UBR3: variants seen among roughly 807,000 people sequenced by gnomAD.
UBR3 encodes ubiquitin protein ligase E3 component n-recognin 3, also known as E3 ubiquitin-protein ligase UBR3.
In UBR3, 85 loss-of-function variants were observed where a neutral mutation model predicts 243.2. The observed-to-expected ratio is 0.35, with a 90% CI of 0.29 to 0.42. The LOEUF is 0.42. Among genes scored for constraint, UBR3 ranks in the 10% least tolerant of loss-of-function variants. The pLI, the probability that UBR3 is intolerant of heterozygous loss-of-function variation, is 1.00. For synonymous variants in UBR3, 748 were observed against 799.8 expected, an observed-to-expected ratio of 0.94 and a Z score of 1.09; for missense variants, 1,686 against 2,300.8, an observed-to-expected ratio of 0.73 and a Z score of 5.47.
chr2:169,955,831 G>A (rs1264623324), intron 23 of UBR3, among the ~76,000 whole-genome samples: 1 of 140,118 alleles, frequency 7.1e-6, no homozygotes, highest in Non-Finnish European at 1.5e-5. Flanking sequence ...GGCTTATCCT[G>A]TACTTGGAGT....
rs556710418 is a variant in UBR3, at chr2:169,900,407, G to A, written c.1465+3672G>A. 2.0e-5 allele frequency among the ~76,000 whole-genome samples: 3 copies of A among 152,210 alleles called. No individual in the cohort carries two copies. The South Asian group carries it at 6.2e-4, about 32-fold the overall frequency. On this transcript the variant is annotated intron_variant, in intron 8 of 38. Transcript: ENST00000272793. ...CTGGATATTAGCCCTTTGTCAGATGGATAGATTGCAAAAATGTTCTCCCAT... is the reference window on the plus strand; with the variant it reads ...CTGGATATTAGCCCTTTGTCAGATGAATAGATTGCAAAAATGTTCTCCCAT...
At chr2:169,880,771 T>C (rs1343243940) in intron 5 of UBR3, among the ~76,000 whole-genome samples, 3 of 152,150 alleles carry the variant, frequency 2.0e-5, no homozygotes, top group Admixed American at 6.6e-5. Context: ...CCCGCCTCCA[T>C]CCTCAAGTAG....
At position 169,893,151 on chromosome 2, in the gene UBR3, T is replaced by C. The variant is rs115356847; in HGVS notation, c.1105+1920T>C. Among the ~76,000 whole-genome samples the C allele has an allele frequency of 6.3e-3, 955 of 152,326 alleles. 6 individuals are homozygous for C. The highest frequency in any genetic ancestry group is 0.022 in the African/African-American group (928 of 41,574). ...TCTTGGGAGACTGACATCACCTATT[T>C]TAAGAACAACAAAGAAGACATTGCT... On this transcript the variant is annotated intron_variant, in intron 6 of 38. Coordinates refer to ENST00000272793, the MANE Select transcript of UBR3 (RefSeq NM_172070.4).
At chr2:169,930,421 T>G (rs2086077079) in intron 18 of UBR3, among the ~76,000 whole-genome samples, 1 of 152,078 alleles carries the variant, frequency 6.6e-6, no homozygotes, top group Non-Finnish European at 1.5e-5. Flanking sequence ...GAGCCTCACT[T>G]TGTCGCTCAG....
chr2:169,863,504 C>T (rs953672596), intron 1 of UBR3, among the ~76,000 whole-genome samples: 16 of 152,086 alleles, frequency 1.1e-4, no homozygotes, highest in African/African-American at 3.9e-4. Flanking sequence ...ACTATTTAAC[C>T]TTCTTAATCT....
chr2:170,046,144 T>G (rs1158005646), intron 32 of UBR3, among the ~76,000 whole-genome samples: 1 of 152,136 alleles, frequency 6.6e-6, no homozygotes, highest in Non-Finnish European at 1.5e-5. Context: ...TTTTTGTATT[T>G]TTAGTAGAGA....
At chr2:169,842,653 G>GT (rs1434338438) in intron 1 of UBR3, among the ~76,000 whole-genome samples, 3 of 152,056 alleles carry the variant, frequency 2.0e-5, no homozygotes, top group African/African-American at 7.2e-5. Context: ...CTTAAGAGCT[G>GT]TAACACTCAC....
chr2:170,023,144 T>G (rs6751848), intron 30 of UBR3, among the ~76,000 whole-genome samples: 125,219 of 150,668 alleles, frequency 0.83, 52,843 homozygotes, highest in South Asian at 0.92. Flanking sequence ...TTGAGTTTTT[T>G]TTTTTTTTTT....
At chr2:169,993,420 G>A (rs773722365) in intron 25 of UBR3, among the ~76,000 whole-genome samples, 5 of 152,104 alleles carry the variant, frequency 3.3e-5, no homozygotes, top group South Asian at 2.1e-4. Context: ...ATCATGTATT[G>A]TTTTTCATTA....
chr2:169,881,810 TATAC>T (rs2083850792), intron 5 of UBR3, among the ~76,000 whole-genome samples: 1 of 137,968 alleles, frequency 7.2e-6, no homozygotes, highest in Non-Finnish European at 1.5e-5. Context: ...TATGTTATAA[TATAC>T]ATATAATTAT....
At chr2:169,950,215 A>C (rs2086960319) in intron 23 of UBR3, 150 bp downstream of exon 23, 4 of 744,932 alleles carry the variant, frequency 5.4e-6, no homozygotes, top group Non-Finnish European at 8.3e-6. Context: ...GAGCATAGTC[A>C]GTGCTTGTAC....
At chr2:169,886,683 T>C (rs2084115263) in intron 5 of UBR3, among the ~76,000 whole-genome samples, 1 of 152,174 alleles carries the variant, frequency 6.6e-6, no homozygotes, top group Non-Finnish European at 1.5e-5. Flanking sequence ...GGCCCAAAGC[T>C]TTTTGTTATT....
At position 169,868,299 on chromosome 2, in the gene UBR3, A is replaced by T. The variant is rs549370493; in HGVS notation, c.546-3937A>T. Among the ~76,000 whole-genome samples the T allele has an allele frequency of 7.2e-5, 11 of 152,302 alleles. No homozygotes were observed. The South Asian group carries it at 2.3e-3, about 32-fold the overall frequency. On this transcript the variant is annotated intron_variant, in intron 1 of 38. Transcript: ENST00000272793. ...CATATATTAGAGCGTTTCATCTGTA[A>T]ATCCCTGTCTCTGTCTAAAAGACAG...
At chr2:169,927,070 G>A in intron 16 of UBR3, 99 bp downstream of exon 16, 3 of 1,333,252 alleles carry the variant, frequency 2.3e-6, no homozygotes, top group Admixed American at 2.3e-5. Flanking sequence ...AGGAAAGGAT[G>A]TAGATAAATG....
chr2:170,060,176 C>G (rs1159182971), intron 33 of UBR3, among the ~76,000 whole-genome samples: 1 of 152,134 alleles, frequency 6.6e-6, no homozygotes, highest in Non-Finnish European at 1.5e-5. Context: ...TAAAGGACAT[C>G]ATAGCAGTTC....
intron 23 of UBR3, among the ~76,000 whole-genome samples, chr2:169,953,441 G>T (rs1468929441): frequency 1.3e-5 from 2 of 152,114 alleles, no homozygotes; most frequent in Non-Finnish European, 2.9e-5. Context: ...TAGAAAACAA[G>T]ATGCAAGCAG....
Position 169,875,821 on chromosome 2 carries a change from A to G in UBR3, c.716A>G (p.Asn239Ser). The change falls in exon 3 of 39, where the codon AAC (asparagine) becomes AGC (serine). Residue 239 changes from asparagine (N) to serine (S), a missense_variant. By Grantham distance (46) the Asn-to-Ser change is conservative (BLOSUM62 1). Transcript: ENST00000272793. ...GATGGACCATCAGAAAAGGACCTTA[A>G]CAAAGTCCTTCAGCTTTTGGAACCT... ...AADGPSEKDL[N>S]KVLQLLEPQI... 1.3e-6 allele frequency: 2 copies of G among 1,545,802 alleles called. No homozygotes were observed.
chr2:169,871,633 A>T (rs565335430), intron 1 of UBR3, among the ~76,000 whole-genome samples: 3 of 150,796 alleles, frequency 2.0e-5, no homozygotes, highest in Non-Finnish European at 4.4e-5. Context: ...CTGTAGTCCC[A>T]GCTACTTGGG....
At chr2:169,918,975 G>A (rs1490196436) in intron 11 of UBR3, among the ~76,000 whole-genome samples, 3 of 152,164 alleles carry the variant, frequency 2.0e-5, no homozygotes, top group Non-Finnish European at 4.4e-5. Flanking sequence ...GACCATAAAA[G>A]GGAGCACCTG....
Sources: gnomAD v4.1 joint callset for allele counts (sites outside exome capture counted in the v4.1 genomes callset) on GRCh38, gnomAD v4.1.1 for gene constraint, MANE v1.5 for transcripts, NCBI Gene and HGNC (gene_info 2026-07-23, HGNC 2026-07-21) for gene names.